Variants in SBF2 observed in about 807,000 individuals in gnomAD.
The protein encoded by SBF2 is myotubularin-related protein 13.
In SBF2, 112 loss-of-function variants were observed where a neutral mutation model predicts 225.2. That is an observed-to-expected ratio of 0.50 (90% CI 0.43 to 0.58). SBF2 has a LOEUF of 0.58. Ranked by LOEUF, SBF2 falls within the 20% of genes least tolerant of loss-of-function variation. The pLI, the probability that SBF2 is intolerant of heterozygous loss-of-function variation, is 0.00. For missense variants in SBF2, 1,996 were observed against 2,206.2 expected, an observed-to-expected ratio of 0.90 and a Z score of 1.91; for synonymous variants, 763 against 773.3, an observed-to-expected ratio of 0.99 and a Z score of 0.22.
chr11:9,800,106 T>C (rs1036895884), intron 32 of SBF2, among the ~76,000 whole-genome samples: 2 of 152,002 alleles, frequency 1.3e-5, no homozygotes, highest in Non-Finnish European at 2.9e-5. Flanking sequence ...GGCGTGGTTG[T>C]GCACACTTGT....
intron 31 of SBF2, 85 bp downstream of exon 31, chr11:9,808,816 A>T (rs1365187462): frequency 1.0e-6 from 1 of 993,370 alleles, no homozygotes; most frequent in African/African-American, 1.6e-5. Context: ...ATTAGTCATT[A>T]TACAAAAGAG....
chr11:10,050,804 G>A (rs892863233), intron 2 of SBF2, among the ~76,000 whole-genome samples: 8 of 152,286 alleles, frequency 5.3e-5, no homozygotes, highest in South Asian at 2.1e-4. Flanking sequence ...CATATCCCAG[G>A]TGGGATGGTG....
chr11:10,279,308 G>A (rs1367333183), intron 1 of SBF2, among the ~76,000 whole-genome samples: 1 of 151,174 alleles, frequency 6.6e-6, no homozygotes, highest in Non-Finnish European at 1.5e-5. Context: ...AGCTACTAGG[G>A]AGACTGAGGC....
At chr11:9,803,038 A>G (rs533179955) in intron 32 of SBF2, among the ~76,000 whole-genome samples, 34 of 152,236 alleles carry the variant, frequency 2.2e-4, no homozygotes, top group Non-Finnish European at 3.8e-4. Context: ...AAAAATTTTA[A>G]TTTGGCACAG....
chr11:9,817,766 AACT>A (rs1281072078), intron 28 of SBF2, among the ~76,000 whole-genome samples: 8 of 126,030 alleles, frequency 6.3e-5, no homozygotes, highest in African/African-American at 6.6e-5. Context: ...AAAAAAAAAA[AACT>A]ACAAAAAGAC....
chr11:10,084,832 C>CA (rs1235301891), intron 2 of SBF2, among the ~76,000 whole-genome samples: 91 of 152,236 alleles, frequency 6.0e-4, no homozygotes, highest in African/African-American at 2.2e-3. Context: ...AACTCAGAAA[C>CA]AGAGTCAAAT....
intron 28 of SBF2, among the ~76,000 whole-genome samples, chr11:9,824,311 C>G (rs931606498): frequency 1.3e-5 from 2 of 151,976 alleles, no homozygotes; most frequent in African/African-American, 4.8e-5. Flanking sequence ...GTAATCCCAG[C>G]AATTTGGGAG....
At chr11:10,251,487 G>A (rs1349739386) in intron 1 of SBF2, among the ~76,000 whole-genome samples, 2 of 152,168 alleles carry the variant, frequency 1.3e-5, no homozygotes, top group Non-Finnish European at 2.9e-5. Flanking sequence ...TGTGGCCTAT[G>A]GACAAATCCA....
At chr11:9,891,909 C>T (rs1005285092) in intron 17 of SBF2, among the ~76,000 whole-genome samples, 2 of 152,134 alleles carry the variant, frequency 1.3e-5, no homozygotes, top group Admixed American at 6.5e-5. Flanking sequence ...AACCTTTCAT[C>T]TGGGCTAATG....
At chr11:9,964,074 G>C (rs1866750010) in intron 14 of SBF2, among the ~76,000 whole-genome samples, 192 bp from the exon 15 acceptor site, 1 of 152,064 alleles carries the variant, frequency 6.6e-6, no homozygotes, top group African/African-American at 2.4e-5. Flanking sequence ...AACATAGCAA[G>C]ACCCTTGTCT....
intron 1 of SBF2, among the ~76,000 whole-genome samples, chr11:10,292,614 G>A (rs1192172453): frequency 6.7e-6 from 1 of 148,544 alleles, no homozygotes; most frequent in Non-Finnish European, 1.5e-5. Context: ...GGGAGACAGA[G>A]GTTGCAGTGA....
intron 2 of SBF2, among the ~76,000 whole-genome samples, chr11:10,157,190 G>C: frequency 6.6e-6 from 1 of 152,150 alleles, no homozygotes; most frequent in East Asian, 1.9e-4. Flanking sequence ...TTCAATAAAT[G>C]GCGCTGGAAT....
intron 2 of SBF2, among the ~76,000 whole-genome samples, chr11:10,090,187 G>A (rs1471046343): frequency 6.6e-6 from 1 of 152,130 alleles, no homozygotes. Context: ...AATGATGAGG[G>A]AAATGGGGTT....
intron 2 of SBF2, among the ~76,000 whole-genome samples, chr11:10,054,573 T>C (rs959225421): frequency 3.3e-5 from 5 of 152,054 alleles, no homozygotes; most frequent in Non-Finnish European, 7.4e-5. Context: ...CTAATTGAAC[T>C]AAAAAAGCTT....
chr11:10,273,044 T>A (rs1050835172), intron 1 of SBF2, among the ~76,000 whole-genome samples: 2 of 151,488 alleles, frequency 1.3e-5, no homozygotes, highest in African/African-American at 4.9e-5. Context: ...CACTCCAGCC[T>A]GGGTGACAGA....
chr11:10,060,243 T>C (rs930165463), intron 2 of SBF2, among the ~76,000 whole-genome samples: 1 of 152,154 alleles, frequency 6.6e-6, no homozygotes, highest in African/African-American at 2.4e-5. Context: ...GAAACTACTA[T>C]GAACACCCCT....
chr11:9,891,026 C>T (rs1013633792), intron 17 of SBF2, among the ~76,000 whole-genome samples: 3 of 152,030 alleles, frequency 2.0e-5, no homozygotes, highest in Admixed American at 1.3e-4. Flanking sequence ...ATCCCGGCTA[C>T]TCGGGAGGCT....
chr11:9,869,101 T>A (rs549375581), intron 17 of SBF2, among the ~76,000 whole-genome samples: 69 of 152,354 alleles, frequency 4.5e-4, no homozygotes, highest in African/African-American at 1.5e-3. Flanking sequence ...AAAAGCAGGA[T>A]AAATATTTGA....
At chr11:10,140,194 G>T (rs1016347539) in intron 2 of SBF2, among the ~76,000 whole-genome samples, 1 of 152,116 alleles carries the variant, frequency 6.6e-6, no homozygotes, top group Non-Finnish European at 1.5e-5. Flanking sequence ...AAAACCTCTG[G>T]AATCTCAGAA....
Sources: gnomAD v4.1 joint callset for allele counts (sites outside exome capture counted in the v4.1 genomes callset) on GRCh38, gnomAD v4.1.1 for gene constraint, MANE v1.5 for transcripts, NCBI Gene and HGNC (gene_info 2026-07-23, HGNC 2026-07-21) for gene names.